Variants in ZNF595 observed in about 807,000 individuals in gnomAD.
ZNF595 encodes zinc finger protein 595.
Under a neutral mutation model 19.4 loss-of-function variants are expected in ZNF595, and 9 were observed. That is an observed-to-expected ratio of 0.46 (90% CI 0.28 to 0.81). The LOEUF is 0.81. ZNF595 is among the 30% of genes least tolerant of loss of function. ZNF595 has a pLI of 0.11. For missense variants in ZNF595, 729 were observed against 736.0 expected (o/e 0.99, Z 0.11); for synonymous variants, 255 against 255.9 (o/e 1.00, Z 0.03).
Position 63,099 on chromosome 4 carries a change from C to A in ZNF595, c.226+2946C>A, listed in dbSNP as rs1341638065. On this transcript the variant is annotated intron_variant, in intron 3 of 3. Transcript: ENST00000610261. Reference sequence around the variant, plus strand: ...TTTCTGCATTGTATATTATTGGTGGCCTTGTCAAAGATTAGTTGACCTTGT... The same window carrying A: ...TTTCTGCATTGTATATTATTGGTGGACTTGTCAAAGATTAGTTGACCTTGT... Among the ~76,000 whole-genome samples the A allele has an allele frequency of 5.9e-3, 732 of 123,446 alleles. 21 individuals are homozygous for A. The highest frequency in any genetic ancestry group is 9.6e-3 in the Non-Finnish European group (577 of 60,178). The allele number at this position is 123,446 out of a possible 152,430, so 81.0% of individuals were successfully genotyped here.
chr4:81,506 A>G (rs1713907335), intron 3 of ZNF595, among the ~76,000 whole-genome samples: 1 of 152,178 alleles, frequency 6.6e-6, no homozygotes, highest in Non-Finnish European at 1.5e-5. Context: ...AATTTCAAAA[A>G]CCGTCTTACC....
chr4:85,990 A>G lies in ZNF595; in HGVS notation c.486A>G (p.Lys162=), dbSNP rs1553801099. The part of the protein sequence containing the change: ...KVFSKFSNSN[K]HKIRHTGEKP... ...TTAGTAAATTTTCAAATTCAAACAA[A>G]CATAAGATAAGACATACTGGAGAGA... The change falls in exon 4 of 4, where the codon AAA becomes AAG. Residue 162 remains lysine (K), a synonymous_variant. Coordinates refer to ENST00000610261, the MANE Select transcript of ZNF595 (RefSeq NM_182524.4). 1 of 1,607,628 alleles carries G rather than the reference A, an allele frequency of 6.2e-7. No homozygotes were observed. The highest frequency in any genetic ancestry group is 8.5e-7 in the Non-Finnish European group (1 of 1,176,358).
chr4:76,298 C>T (rs554729913), intron 3 of ZNF595, among the ~76,000 whole-genome samples: 1 of 152,086 alleles, frequency 6.6e-6, no homozygotes, highest in African/African-American at 2.4e-5. Context: ...GACCTCCTGG[C>T]CTCAAGCAAA....
In ZNF595 at chr4:86,885, T is replaced by C; in HGVS notation, c.1381T>C (p.Phe461Leu). The stretch of plus-strand genomic sequence containing the variant: ...CAAATGTGAAGAATGTGGCAAAGCC[T>C]TTACACGGTCCACAACACTGAACGA... Reference protein sequence around the residue: ...PYKCEECGKAFTRSTTLNEHK... With the variant: ...PYKCEECGKALTRSTTLNEHK... Residue 461 changes from phenylalanine (F) to leucine (L), a missense_variant, in exon 4 of 4, where the codon TTT (phenylalanine) becomes CTT (leucine). Coordinates refer to ENST00000610261, the MANE Select transcript of ZNF595 (RefSeq NM_182524.4). 6.2e-7 allele frequency: 1 copy of C among 1,611,990 alleles called. No individual in the cohort carries two copies. The highest frequency in any genetic ancestry group is 1.1e-5 in the South Asian group (1 of 90,804).
At chr4:82,683 C>T (rs1161715893) in intron 3 of ZNF595, among the ~76,000 whole-genome samples, 3 of 151,948 alleles carry the variant, frequency 2.0e-5, no homozygotes, top group African/African-American at 7.2e-5. Flanking sequence ...TGCACCCAGC[C>T]AGTTTTCTTT....
At chr4:79,326 A>G (rs544620642) in intron 3 of ZNF595, among the ~76,000 whole-genome samples, 5 of 152,350 alleles carry the variant, frequency 3.3e-5, no homozygotes, top group Admixed American at 1.3e-4. Flanking sequence ...TCACATTTTT[A>G]AAATCTGATA....
At chr4:64,475 C>T (rs1428896020) in intron 3 of ZNF595, among the ~76,000 whole-genome samples, 1 of 152,304 alleles carries the variant, frequency 6.6e-6, no homozygotes, top group Non-Finnish European at 1.5e-5. Context: ...GTAAAGTGAC[C>T]GAGCATAGTG....
At chr4:77,153 G>C (rs1713701119) in intron 3 of ZNF595, among the ~76,000 whole-genome samples, 1 of 149,738 alleles carries the variant, frequency 6.7e-6, no homozygotes, top group South Asian at 2.1e-4. Flanking sequence ...TTTTAAATTA[G>C]GAACTGTCAA....
In ZNF595 at chr4:87,551, ATT is replaced by A. The variant is rs1327144555; in HGVS notation, c.*105_*106del. On this transcript the variant is annotated 3_prime_UTR_variant, in exon 4 of 4. Transcript: ENST00000610261. ...ACTTGTATTATTTTTCTTATTTTAA[ATT>A]TTTTAAAATTTCTGTAGGTACATAG... 8.4e-7 allele frequency: 1 copy of A among 1,183,588 alleles called. No homozygotes were observed. The highest frequency in any genetic ancestry group is 1.1e-6 in the Non-Finnish European group (1 of 887,038). 73.3% of individuals were successfully genotyped at this position (1,183,588 alleles called of 1,614,324 possible).
rs33985555 is a variant in ZNF595, at chr4:87,715, ATTTTTT to A, written c.*282_*287del. The A allele has an allele frequency of 2.6e-5, 3 of 116,772 alleles. No homozygotes were observed. The highest frequency in any genetic ancestry group is 2.1e-4 in the East Asian group (1 of 4,654). 7.2% of individuals were successfully genotyped at this position (116,772 alleles called of 1,614,324 possible). A position where few individuals can be genotyped will look rare whatever the true frequency, so the allele number is the denominator to read the frequency against. The stretch of plus-strand genomic sequence containing the variant: ...ACACACAGTCCAGTTATACACTTTA[ATTTTTT>A]TTTTTTTTTTTTTTTTTGAGACAGA... On this transcript the variant is annotated 3_prime_UTR_variant, in exon 4 of 4. Transcript: ENST00000610261.
At chr4:77,728 T>A (rs923274588) in intron 3 of ZNF595, among the ~76,000 whole-genome samples, 3 of 152,158 alleles carry the variant, frequency 2.0e-5, no homozygotes, top group Non-Finnish European at 4.4e-5. Context: ...CTGGAAAGAC[T>A]AGACTTTCTT....
At chr4:78,477 A>G (rs1436870593) in intron 3 of ZNF595, among the ~76,000 whole-genome samples, 1 of 152,224 alleles carries the variant, frequency 6.6e-6, no homozygotes, top group Non-Finnish European at 1.5e-5. Flanking sequence ...TGGTATTTGC[A>G]TGTATAAATA....
At chr4:80,601 T>G (rs1553799662) in intron 3 of ZNF595, among the ~76,000 whole-genome samples, 2 of 151,910 alleles carry the variant, frequency 1.3e-5, no homozygotes, top group Non-Finnish European at 1.5e-5. Context: ...GGCAGTTTTA[T>G]AGGATTTGGG....
intron 3 of ZNF595, among the ~76,000 whole-genome samples, chr4:78,906 T>C (rs1713785754): frequency 6.6e-6 from 1 of 152,188 alleles, no homozygotes; most frequent in African/African-American, 2.4e-5. Context: ...TTGGTCAGGC[T>C]GGTCTTGAAC....
intron 3 of ZNF595, among the ~76,000 whole-genome samples, chr4:80,059 G>A (rs995771163): frequency 1.3e-4 from 19 of 151,982 alleles, no homozygotes; most frequent in African/African-American, 4.4e-4. Flanking sequence ...TTTCACTCTT[G>A]TTGCCCAGGC....
intron 3 of ZNF595, among the ~76,000 whole-genome samples, chr4:75,731 G>T (rs1417633410): frequency 6.7e-6 from 1 of 150,146 alleles, no homozygotes; most frequent in African/African-American, 2.4e-5. Context: ...GTTTTCTTGA[G>T]TTCTGTTTTG....
At chr4:83,137 A>G (rs1303692969) in intron 3 of ZNF595, among the ~76,000 whole-genome samples, 1 of 152,116 alleles carries the variant, frequency 6.6e-6, no homozygotes, top group African/African-American at 2.4e-5. Context: ...AATATAGTTT[A>G]TGTTCTTCTT....
rs199781175 is a variant in ZNF595, at chr4:86,416, T to C, written c.912T>C (p.Asn304=). 2,629 of 1,596,746 alleles carry C rather than the reference T, an allele frequency of 1.6e-3. 2 individuals carry two copies. The highest frequency in any genetic ancestry group is 2.1e-3 in the Non-Finnish European group (2,433 of 1,173,556). The change falls in exon 4 of 4, where the codon AAT becomes AAC. Residue 304 remains asparagine, a synonymous_variant. Coordinates refer to ENST00000610261, the MANE Select transcript of ZNF595 (RefSeq NM_182524.4). ...CCACAAGCCTGAATGAACATAAGAATATTCATACTGGAGAGAAACCCTACA... is the reference window on the plus strand; with the variant it reads ...CCACAAGCCTGAATGAACATAAGAACATTCATACTGGAGAGAAACCCTACA... ...RWSTSLNEHK[N]IHTGEKPYKC...
intron 3 of ZNF595, among the ~76,000 whole-genome samples, chr4:75,945 AATGGT>A (rs1380955375): frequency 1.3e-5 from 2 of 152,084 alleles, no homozygotes; most frequent in African/African-American, 4.8e-5. Context: ...GCTGTAGTGC[AATGGT>A]GCATTCACAG....
Sources: gnomAD v4.1 joint callset for allele counts (sites outside exome capture counted in the v4.1 genomes callset) on GRCh38, gnomAD v4.1.1 for gene constraint, MANE v1.5 for transcripts, NCBI Gene and HGNC (gene_info 2026-07-23, HGNC 2026-07-21) for gene names.